Variants in IL36B observed in about 807,000 individuals in gnomAD.
IL36B encodes interleukin-36 beta.
A neutral mutation model predicts 19.3 loss-of-function variants in IL36B; 23 were observed. That is an observed-to-expected ratio of 1.19 (90% CI 0.86 to 1.69). The LOEUF (loss-of-function observed/expected upper bound fraction) is 1.69. Among genes scored for constraint, IL36B ranks in the 40% most tolerant of loss-of-function variants. IL36B has a pLI of 0.00. For missense variants in IL36B, 217 were observed against 200.5 expected, an observed-to-expected ratio of 1.08 and a Z score of -0.50; for synonymous variants, 59 against 59.7, an observed-to-expected ratio of 0.99 and a Z score of 0.05.
At chr2:113,047,812 TTTAA>T (rs1685373827) in intron 1 of IL36B, among the ~76,000 whole-genome samples, 1 of 152,134 alleles carries the variant, frequency 6.6e-6, no homozygotes, top group Admixed American at 6.5e-5. Flanking sequence ...AAAGGTAGAC[TTTAA>T]TTAAGAATAT....
intron 4 of IL36B, 126 bp downstream of exon 5, chr2:113,027,307 T>G: frequency 4.3e-6 from 1 of 231,218 alleles, no homozygotes; most frequent in Non-Finnish European, 7.1e-6. Context: ...AGCAGGGACA[T>G]TTGGTGTAAC....
intron 4 of IL36B, 116 bp downstream of exon 5, chr2:113,027,316 AC>A: frequency 3.8e-6 from 1 of 262,976 alleles, no homozygotes; most frequent in Non-Finnish European, 5.9e-6. Flanking sequence ...ATTTGGTGTA[AC>A]TTTTATTGAA....
intron 1 of IL36B, among the ~76,000 whole-genome samples, chr2:113,044,051 T>C (rs1311965683): frequency 2.0e-5 from 3 of 152,176 alleles, no homozygotes; most frequent in African/African-American, 4.8e-5. Context: ...CAGGTCAAGT[T>C]GGGGAAAATT....
chr2:113,032,133 C>CTGTGTG (rs56385654), intron 1 of IL36B, among the ~76,000 whole-genome samples: 22,937 of 143,818 alleles, frequency 0.16, 1,899 homozygotes, highest in African/African-American at 0.22. Flanking sequence ...GTGTGTGTGT[C>CTGTGTG]TGTGTGTGTG....
intron 1 of IL36B, among the ~76,000 whole-genome samples, chr2:113,037,047 T>C (rs1043454990): frequency 2.0e-5 from 3 of 152,254 alleles, no homozygotes; most frequent in African/African-American, 7.2e-5. Flanking sequence ...TCTGAATTTC[T>C]CCTTTGACTC....
chr2:113,036,254 A>G (rs539142530), intron 1 of IL36B, among the ~76,000 whole-genome samples: 1 of 152,020 alleles, frequency 6.6e-6, no homozygotes, highest in East Asian at 1.9e-4. Flanking sequence ...CTGATTCTAT[A>G]TTATTTTTAA....
rs1420825969 is a variant in IL36B at position 113,046,229 on chromosome 2, A to G, written c.-58+6588T>C. 3.8e-5 allele frequency among the ~76,000 whole-genome samples: 5 copies of G among 132,696 alleles called. No individual in the cohort carries two copies. The East Asian group carries it at 8.8e-4, about 23-fold the overall frequency. 87.1% of individuals were successfully genotyped at this position (132,696 alleles called of 152,430 possible). A position where few individuals can be genotyped will look rare whatever the true frequency, so the allele number is the denominator to read the frequency against. Reference sequence around the variant, plus strand: ...TTTTCTTTTTTTTTTTTTTTTTTTGAGACGGAGTCTGGCTCTGTCACCCAG... The same window carrying G: ...TTTTCTTTTTTTTTTTTTTTTTTTGGGACGGAGTCTGGCTCTGTCACCCAG... On this transcript the variant is annotated intron_variant, in intron 1 of 5. Coordinates refer to ENST00000259213, the MANE Select transcript of IL36B (RefSeq NM_014438.5).
intron 1 of IL36B, among the ~76,000 whole-genome samples, chr2:113,048,043 G>A (rs565815742): frequency 3.3e-5 from 5 of 152,056 alleles, no homozygotes; most frequent in Admixed American, 1.3e-4. Context: ...ATAAAAACAC[G>A]CCAGGTAAAA....
Position 113,029,010 on chromosome 2 carries a change from G to C in IL36B, c.190C>G (p.Leu64Val), listed in dbSNP as rs182588966. 4 of 1,613,942 alleles carry C rather than the reference G, an allele frequency of 2.5e-6. No homozygotes were observed. The Admixed American group carries it at 6.7e-5, about 27-fold the overall frequency. ...CAGAGATCTTTTCCCTTGATTCCCA[G>C]GTAAACCATATTACCCTTTTCCTTG... The change falls in exon 4 of 6, where the codon CTG becomes GTG. Residue 64 changes from leucine (L) to valine (V), a missense_variant. Physicochemically the swap from Leu to Val is conservative, Grantham distance 32. Coordinates refer to ENST00000259213, the MANE Select transcript of IL36B (RefSeq NM_014438.5).
intron 1 of IL36B, among the ~76,000 whole-genome samples, chr2:113,035,933 A>G (rs1028335260): frequency 1.3e-5 from 2 of 152,086 alleles, no homozygotes; most frequent in East Asian, 1.9e-4. Flanking sequence ...GTTGTTGGTA[A>G]TTTTGCACTT....
intron 1 of IL36B, among the ~76,000 whole-genome samples, chr2:113,035,731 A>C (rs2105048357): frequency 6.6e-6 from 1 of 152,358 alleles, no homozygotes; most frequent in African/African-American, 2.4e-5. Flanking sequence ...GAAATAGATT[A>C]AGAAGAAGGC....
intron 3 of IL36B, among the ~76,000 whole-genome samples, chr2:113,029,833 G>A (rs921386588): frequency 6.6e-6 from 1 of 152,176 alleles, no homozygotes; most frequent in Non-Finnish European, 1.5e-5. Flanking sequence ...GACTGGCTGA[G>A]CCCTGAGGAA....
intron 5 of IL36B, among the ~76,000 whole-genome samples, chr2:113,024,485 C>A (rs980535543): frequency 6.6e-6 from 1 of 152,208 alleles, no homozygotes; most frequent in African/African-American, 2.4e-5. Context: ...CCTTCTGATA[C>A]TGATTGAACA....
chr2:113,048,669 A>T (rs1245184838), intron 1 of IL36B, among the ~76,000 whole-genome samples: 1 of 152,208 alleles, frequency 6.6e-6, no homozygotes, highest in Non-Finnish European at 1.5e-5. Flanking sequence ...GATTGCAGAA[A>T]GCAGTAGAGA....
At chr2:113,025,680 T>C (rs140751238) in intron 5 of IL36B, among the ~76,000 whole-genome samples, 5 of 152,208 alleles carry the variant, frequency 3.3e-5, no homozygotes, top group African/African-American at 1.2e-4. Flanking sequence ...GAGAGTCCCG[T>C]AAAACAGCTG....
chr2:113,044,122 G>A (rs2121333), intron 1 of IL36B, among the ~76,000 whole-genome samples: 119,599 of 152,142 alleles, frequency 0.79, 47,973 homozygotes, highest in East Asian at 0.94. Context: ...CTGGCTTTTT[G>A]GGCCTTTCAA....
At chr2:113,026,275 C>A (rs746310945) in intron 4 of IL36B, 6 of 1,610,302 alleles carry the variant, frequency 3.7e-6, no homozygotes, top group Non-Finnish European at 5.1e-6. Context: ...TAATACACTG[C>A]CAGGTTACAC....
chr2:113,038,839 T>C (rs868009757), intron 1 of IL36B, among the ~76,000 whole-genome samples: 69 of 152,164 alleles, frequency 4.5e-4, no homozygotes, highest in African/African-American at 1.6e-3. Flanking sequence ...GCAGAGCCAA[T>C]CATTAATTCA....
At chr2:113,032,892 GC>G (rs1373328995) in intron 1 of IL36B, among the ~76,000 whole-genome samples, 2 of 152,198 alleles carry the variant, frequency 1.3e-5, no homozygotes, top group Non-Finnish European at 2.9e-5. Flanking sequence ...ACTGGTCTGT[GC>G]TTCCTGATTA....
Sources: allele counts gnomAD v4.1 joint callset (sites outside exome capture counted in the v4.1 genomes callset), GRCh38; gene constraint gnomAD v4.1.1; transcripts MANE v1.5; gene names NCBI Gene and HGNC (gene_info 2026-07-23, HGNC 2026-07-21).